The following RBFOX1 variants were observed in gnomAD, a reference collection of about 807,000 sequenced individuals.
RBFOX1 encodes RNA binding protein fox-1 homolog 1.
Under a neutral mutation model 57.7 loss-of-function variants are expected in RBFOX1, and 8 were observed. The observed-to-expected ratio is 0.14, with a 90% confidence interval of 0.08 to 0.25. The LOEUF is 0.25. Among genes scored for constraint, RBFOX1 ranks in the 10% least tolerant of loss-of-function variants. The pLI is 1.00. For synonymous variants in RBFOX1, 326 were observed against 222.4 expected (o/e 1.47, Z -4.15); for missense variants, 611 against 548.5 (o/e 1.11, Z -1.14).
chr16:6,425,927 T>C (rs1475702611), intron 2 of RBFOX1, among the ~76,000 whole-genome samples: 1 of 152,138 alleles, frequency 6.6e-6, no homozygotes, highest in African/African-American at 2.4e-5. Flanking sequence ...AAGAATCCCA[T>C]GCCTATTAAG....
intron 3 of RBFOX1, among the ~76,000 whole-genome samples, chr16:6,707,347 A>G (rs2062928627): frequency 6.6e-6 from 1 of 152,160 alleles, no homozygotes; most frequent in Non-Finnish European, 1.5e-5. Flanking sequence ...GAACATTCAT[A>G]TTTCAAAGTC....
chr16:5,655,809 A>T (rs368741744), intron 3 of RBFOX1, among the ~76,000 whole-genome samples: 21 of 152,308 alleles, frequency 1.4e-4, no homozygotes, highest in African/African-American at 4.6e-4. Context: ...AATTAGGAGG[A>T]GGTGCTGTTG....
intron 4 of RBFOX1, among the ~76,000 whole-genome samples, chr16:7,295,063 C>G (rs2095863735): frequency 6.6e-6 from 1 of 152,138 alleles, no homozygotes; most frequent in Non-Finnish European, 1.5e-5. Context: ...ATGTATTACG[C>G]TTGTCAGTCT....
At chr16:7,362,101 TAGTG>T (rs766133565) in intron 4 of RBFOX1, among the ~76,000 whole-genome samples, 3 of 150,982 alleles carry the variant, frequency 2.0e-5, no homozygotes, top group Non-Finnish European at 3.0e-5. Flanking sequence ...ATATGTGTGT[TAGTG>T]TGTGTATGTG....
rs368390432 is a variant in RBFOX1 at position 6,295,818 on chromosome 16, C to T, written c.-126-21177C>T. Among the ~76,000 whole-genome samples the T allele has an allele frequency of 2.0e-3, 298 of 152,208 alleles. 1 individual carries two copies. Among genetic ancestry groups the T allele is most frequent in the African/African-American group, 6.9e-3 (288 of 41,546 alleles). On this transcript the variant is annotated intron_variant, in intron 1 of 15. Transcript: ENST00000550418. Reference sequence around the variant, plus strand: ...CAAATGTGAAGGTTACTCCAGAGAGCGCCGGGAGCGATTTGTCAGCTTTGT... The same window carrying T: ...CAAATGTGAAGGTTACTCCAGAGAGTGCCGGGAGCGATTTGTCAGCTTTGT...
At chr16:5,608,205 C>T (rs903755239) in intron 3 of RBFOX1, among the ~76,000 whole-genome samples, 1 of 152,170 alleles carries the variant, frequency 6.6e-6, no homozygotes, top group African/African-American at 2.4e-5. Context: ...ACCCCGGGGG[C>T]AAGTGTGGTT....
intron 14 of RBFOX1, among the ~76,000 whole-genome samples, chr16:7,699,365 A>G (rs28576965): frequency 1.3e-5 from 2 of 151,830 alleles, no homozygotes; most frequent in African/African-American, 4.8e-5. Context: ...CTGATATCTT[A>G]ATTTTTTGAA....
intron 2 of RBFOX1, among the ~76,000 whole-genome samples, chr16:6,339,780 C>A (rs1221658865): frequency 1.3e-5 from 2 of 152,042 alleles, no homozygotes; most frequent in East Asian, 1.9e-4. Context: ...AAGCGATTCT[C>A]CTGCCTCAGC....
chr16:6,725,278 C>A (rs965185860), intron 3 of RBFOX1, among the ~76,000 whole-genome samples: 1 of 151,862 alleles, frequency 6.6e-6, no homozygotes, highest in South Asian at 2.1e-4. Context: ...GTCTGGATCT[C>A]CTGACCTCGT....
chr16:5,373,819 G>C (rs868472841), intron 1 of RBFOX1, among the ~76,000 whole-genome samples: 2 of 152,266 alleles, frequency 1.3e-5, no homozygotes, highest in Middle Eastern at 3.4e-3. Flanking sequence ...GGTCAGGCTG[G>C]TCTCGAACTC....
At chr16:6,664,545 C>T (rs999529965) in intron 3 of RBFOX1, among the ~76,000 whole-genome samples, 2 of 152,150 alleles carry the variant, frequency 1.3e-5, no homozygotes, top group African/African-American at 4.8e-5. Context: ...TCATTGTGTC[C>T]TTTTTCTCTG....
chr16:7,457,213 C>T (rs369018583), intron 4 of RBFOX1, among the ~76,000 whole-genome samples: 1 of 151,994 alleles, frequency 6.6e-6, no homozygotes, highest in Non-Finnish European at 1.5e-5. Context: ...ATCACTCATA[C>T]AGCGGGTCCA....
chr16:7,288,595 C>A (rs758154025), intron 4 of RBFOX1, among the ~76,000 whole-genome samples: 4 of 152,194 alleles, frequency 2.6e-5, no homozygotes, highest in African/African-American at 9.6e-5. Context: ...AACCCCAGTA[C>A]TTTGGGAGGC....
intron 1 of RBFOX1, among the ~76,000 whole-genome samples, chr16:5,418,391 C>A (rs982216770): frequency 6.6e-6 from 1 of 151,282 alleles, no homozygotes; most frequent in Non-Finnish European, 1.5e-5. Flanking sequence ...TACGGAGGAC[C>A]GGGGTGTTGT....
intron 1 of RBFOX1, among the ~76,000 whole-genome samples, chr16:6,154,137 C>T (rs192492885): frequency 1.2e-4 from 19 of 152,282 alleles, no homozygotes; most frequent in South Asian, 2.1e-4. Context: ...CTCACGCTGA[C>T]GCTTACTAAG....
intron 10 of RBFOX1, among the ~76,000 whole-genome samples, chr16:7,616,472 G>A (rs891098399): frequency 6.6e-6 from 1 of 152,230 alleles, no homozygotes; most frequent in Non-Finnish European, 1.5e-5. Context: ...CTATGGAGGT[G>A]TGAGGAACAG....
At chr16:6,757,729 G>C (rs965486487) in intron 3 of RBFOX1, among the ~76,000 whole-genome samples, 1 of 152,150 alleles carries the variant, frequency 6.6e-6, no homozygotes, top group African/African-American at 2.4e-5. Context: ...GTGTTCCACA[G>C]CATAGTATGG....
rs145886628 is a variant in RBFOX1, at chr16:7,681,957, G to A, written c.995+5119G>A. ...GATCTCAAGATCTTATTCTAGTGCC[G>A]TATTGAAAGCAGTATCTCCCAAGGC... is the stretch of plus-strand genomic sequence containing the variant. On this transcript the variant is annotated intron_variant, in intron 14 of 15. Coordinates refer to ENST00000550418, the MANE Select transcript of RBFOX1 (RefSeq NM_018723.4). Among the ~76,000 whole-genome samples, 332 of 152,184 alleles carry A rather than the reference G, an allele frequency of 2.2e-3. 2 individuals carry two copies. The highest frequency in any genetic ancestry group is 7.4e-3 in the African/African-American group (308 of 41,546).
At chr16:7,312,575 C>G (rs2096341100) in intron 4 of RBFOX1, among the ~76,000 whole-genome samples, 1 of 152,142 alleles carries the variant, frequency 6.6e-6, no homozygotes, top group Non-Finnish European at 1.5e-5. Context: ...TTCCACTACC[C>G]TGTTTGGGAG....
Sources: allele counts gnomAD v4.1 joint callset (sites outside exome capture counted in the v4.1 genomes callset), GRCh38; gene constraint gnomAD v4.1.1; transcripts MANE v1.5; gene names NCBI Gene and HGNC (gene_info 2026-07-23, HGNC 2026-07-21).